CAST: variants seen among roughly 807,000 people sequenced by gnomAD.
CAST encodes MIR583 host.
A neutral mutation model predicts 119.6 loss-of-function variants in CAST; 76 were observed. That is an observed-to-expected ratio of 0.64 (90% CI 0.53 to 0.77). The LOEUF (loss-of-function observed/expected upper bound fraction) is 0.77, where lower values mean the gene tolerates loss of function less well. CAST is among the 30% of genes least tolerant of loss of function. CAST has a pLI of 0.00. For missense variants in CAST, 953 were observed against 946.5 expected (o/e 1.01, Z -0.09); for synonymous variants, 319 against 331.6 (o/e 0.96, Z 0.41).
At chr5:96,560,934 A>G (rs1163244863) in intron 1 of CAST, among the ~76,000 whole-genome samples, 1 of 152,250 alleles carries the variant, frequency 6.6e-6, no homozygotes, top group Non-Finnish European at 1.5e-5. Flanking sequence ...TCACTACAGC[A>G]AAGACTTGGA....
chr5:96,408,253 GC>G, the CAST span: 2 of 1,614,056 alleles, frequency 1.2e-6, no homozygotes, highest in Non-Finnish European at 1.7e-6. Context: ...GAAGATGCCA[GC>G]AGCCAGAGGT....
the CAST span, among the ~76,000 whole-genome samples, chr5:96,011,109 A>C: frequency 6.6e-6 from 1 of 152,140 alleles, no homozygotes; most frequent in African/African-American, 2.4e-5. Context: ...CTCTGGCCTG[A>C]TTGCTCTGGC....
At chr5:96,709,144 A>G (rs189513732) in intron 3 of CAST, among the ~76,000 whole-genome samples, 15 of 152,320 alleles carry the variant, frequency 9.8e-5, no homozygotes, top group Admixed American at 6.5e-4. Flanking sequence ...TTTGGAATTT[A>G]TTTTTCTCAT....
chr5:96,605,498 A>G (rs1747236258), intron 1 of CAST, among the ~76,000 whole-genome samples: 1 of 152,244 alleles, frequency 6.6e-6, no homozygotes, highest in African/African-American at 2.4e-5. Flanking sequence ...CTGATCTTGT[A>G]GCATTTTTCC....
the CAST span, among the ~76,000 whole-genome samples, chr5:96,419,943 T>A: frequency 6.6e-6 from 1 of 152,022 alleles, no homozygotes; most frequent in Non-Finnish European, 1.5e-5. Flanking sequence ...ATCGTACAAG[T>A]TATCACCCAC....
chr5:96,149,539 G>C, the CAST span, among the ~76,000 whole-genome samples: 1 of 152,124 alleles, frequency 6.6e-6, no homozygotes, highest in Non-Finnish European at 1.5e-5. Context: ...ATTTTTCCAA[G>C]GCTGCCCCTG....
chr5:96,579,550 G>A (rs1472521184), intron 1 of CAST, among the ~76,000 whole-genome samples: 1 of 152,108 alleles, frequency 6.6e-6, no homozygotes, highest in Non-Finnish European at 1.5e-5. Flanking sequence ...ATCTTCTATT[G>A]TAGGTTGGGG....
At chr5:96,476,966 CT>C in the CAST span, among the ~76,000 whole-genome samples, 1 of 151,110 alleles carries the variant, frequency 6.6e-6, no homozygotes, top group African/African-American at 2.4e-5. Flanking sequence ...TATCAGAGCC[CT>C]TTTAATTAAG....
the CAST span, among the ~76,000 whole-genome samples, chr5:96,068,430 C>T: frequency 2.6e-5 from 4 of 152,032 alleles, no homozygotes; most frequent in Admixed American, 6.6e-5. Flanking sequence ...GTCCCTGTGC[C>T]CTACTGCCTC....
At chr5:96,156,929 G>A in the CAST span, among the ~76,000 whole-genome samples, 1 of 152,068 alleles carries the variant, frequency 6.6e-6, no homozygotes, top group South Asian at 2.1e-4. Context: ...AAAATTATTT[G>A]ACTACTTAAG....
the CAST span, among the ~76,000 whole-genome samples, chr5:96,302,798 T>C: frequency 1.3e-5 from 2 of 152,226 alleles, no homozygotes; most frequent in Non-Finnish European, 2.9e-5. Context: ...TCATTTACAA[T>C]ATCACTATTG....
At chr5:96,330,127 G>A in the CAST span, among the ~76,000 whole-genome samples, 1 of 152,196 alleles carries the variant, frequency 6.6e-6, no homozygotes, top group East Asian at 1.9e-4. Context: ...AGGATGTCCT[G>A]CTTTGGAGAT....
At chr5:96,505,277 TAATTTAGCA>T in the CAST span, among the ~76,000 whole-genome samples, 2 of 152,306 alleles carry the variant, frequency 1.3e-5, no homozygotes, top group South Asian at 4.1e-4. Context: ...ATTTTGAGCA[TAATTTAGCA>T]AAGTTTTTAG....
At chr5:96,719,363 A>G (rs1757793386) in intron 3 of CAST, among the ~76,000 whole-genome samples, 1 of 152,206 alleles carries the variant, frequency 6.6e-6, no homozygotes, top group Non-Finnish European at 1.5e-5. Context: ...GTCTCACTAC[A>G]TTGCCCAGGC....
At chr5:96,342,639 T>C in the CAST span, among the ~76,000 whole-genome samples, 1 of 152,204 alleles carries the variant, frequency 6.6e-6, no homozygotes, top group African/African-American at 2.4e-5. Flanking sequence ...GTCCCATACA[T>C]AAGATTGAAT....
intron 1 of CAST, among the ~76,000 whole-genome samples, chr5:96,563,494 G>T (rs1746418801): frequency 1.3e-5 from 2 of 152,076 alleles, no homozygotes; most frequent in African/African-American, 4.8e-5. Context: ...ATACGCTTCA[G>T]ATTCCCTGAA....
chr5:96,178,484 G>A, the CAST span, among the ~76,000 whole-genome samples: 3 of 152,016 alleles, frequency 2.0e-5, no homozygotes, highest in East Asian at 3.9e-4. Flanking sequence ...TGAAACAATG[G>A]TGCCTTTGAA....
chr5:96,269,634 A>AT, the CAST span, among the ~76,000 whole-genome samples: 11 of 152,214 alleles, frequency 7.2e-5, no homozygotes, highest in Admixed American at 6.5e-4. Flanking sequence ...GAACAACTAT[A>AT]TATGCCAACA....
intron 1 of CAST, among the ~76,000 whole-genome samples, chr5:96,610,968 G>A (rs370623628): frequency 7.2e-4 from 109 of 152,082 alleles, no homozygotes; most frequent in South Asian, 3.7e-3. Context: ...GCGTCTAACC[G>A]TGGAGGGGAA....
Sources: allele counts gnomAD v4.1 joint callset (sites outside exome capture counted in the v4.1 genomes callset), GRCh38; gene constraint gnomAD v4.1.1; transcripts MANE v1.5; gene names NCBI Gene and HGNC (gene_info 2026-07-23, HGNC 2026-07-21).